Variants in KDM2B observed in about 807,000 individuals in gnomAD.
KDM2B encodes lysine-specific demethylase 2B.
In KDM2B, 26 loss-of-function variants were observed where a neutral mutation model predicts 150.0. The ratio of observed to expected loss-of-function variants is 0.17; its 90% CI spans 0.13 to 0.24. KDM2B has a LOEUF of 0.24. KDM2B is among the 10% of genes least tolerant of loss of function. The pLI, the probability that KDM2B is intolerant of heterozygous loss-of-function variation, is 1.00. For synonymous variants in KDM2B, 734 were observed against 729.5 expected, an observed-to-expected ratio of 1.01 and a Z score of -0.10; for missense variants, 1,265 against 1,816.9, an observed-to-expected ratio of 0.70 and a Z score of 5.52.
chr12:121,502,620 CA>C (rs200550839), intron 11 of KDM2B, among the ~76,000 whole-genome samples: 4 of 147,366 alleles, frequency 2.7e-5, no homozygotes, highest in African/African-American at 1.0e-4. Context: ...GACTCGGACT[CA>C]AAAAAAAAGG....
At chr12:121,541,161 G>A (rs1888575869) in intron 6 of KDM2B, among the ~76,000 whole-genome samples, 1 of 152,086 alleles carries the variant, frequency 6.6e-6, no homozygotes, top group African/African-American at 2.4e-5. Context: ...GAACCCAGGA[G>A]GCGGAGGTTG....
chr12:121,570,649 C>T (rs1374382921), intron 4 of KDM2B, among the ~76,000 whole-genome samples: 4 of 152,146 alleles, frequency 2.6e-5, no homozygotes, highest in Admixed American at 6.6e-5. Context: ...GCATGGCTAT[C>T]GTCAAAGAGA....
chr12:121,459,082 C>T (rs1878719418), intron 12 of KDM2B, among the ~76,000 whole-genome samples: 1 of 108,562 alleles, frequency 9.2e-6, no homozygotes, highest in Non-Finnish European at 1.8e-5. Context: ...GAGACTCTGC[C>T]TCAAAAAAAA....
At position 121,467,473 on chromosome 12, in the gene KDM2B, C is replaced by T. The variant is rs1880216452; in HGVS notation, c.1735-14129G>A. ...GGGGCTGGCCCCCCGGGCGGGCGGG[C>T]CAATGGCGCGGCCGCGGCGCTGGGG... On this transcript the variant is annotated intron_variant, in intron 12 of 22. Transcript: ENST00000377071. The surrounding 1 kb of genome is among the most constrained non-coding windows in gnomAD (Gnocchi z 5.1). 4.1e-6 allele frequency: 2 copies of T among 484,158 alleles called. No individual in the cohort carries two copies. The highest frequency in any genetic ancestry group is 5.3e-6 in the Non-Finnish European group (2 of 374,652). 30.0% of individuals were successfully genotyped at this position (484,158 alleles called of 1,614,324 possible).
intron 4 of KDM2B, among the ~76,000 whole-genome samples, chr12:121,553,645 G>A (rs1475731798): frequency 1.3e-5 from 2 of 152,170 alleles, no homozygotes; most frequent in African/African-American, 4.8e-5. Flanking sequence ...AGCACCTACA[G>A]GTAGGTAGCG....
chr12:121,428,778 C>T (rs1489622928), downstream of KDM2B, among the ~76,000 whole-genome samples: 1 of 152,198 alleles, frequency 6.6e-6, no homozygotes, highest in African/African-American at 2.4e-5. Flanking sequence ...GTGTTTCCTA[C>T]AGCCACCATG....
rs146762366 is a variant in KDM2B at position 121,507,312 on chromosome 12, C to T, written c.1647+2255G>A. ...CCGGGAGGCAGAGGTTGCAGTGAAC[C>T]AAGATCATGTCACTGCACTTCAGCC... On this transcript the variant is annotated intron_variant, in intron 11 of 22. Transcript: ENST00000377071. Among the ~76,000 whole-genome samples the T allele has an allele frequency of 8.0e-4, 122 of 152,086 alleles. 1 individual carries two copies. The highest frequency in any genetic ancestry group is 2.8e-3 in the African/African-American group (116 of 41,476).
chr12:121,445,475 G>A, intron 13 of KDM2B, 57 bp from the exon 14 acceptor site: 1 of 1,510,184 alleles, frequency 6.6e-7, no homozygotes. Flanking sequence ...CGGACCCCCA[G>A]GGGGGCCAGT....
chr12:121,445,530 C>A, intron 13 of KDM2B, 112 bp from the exon 14 acceptor site: 1 of 1,077,770 alleles, frequency 9.3e-7, no homozygotes, highest in Non-Finnish European at 1.3e-6. Flanking sequence ...AGGAGACCCC[C>A]GGAAAGTGGC....
At chr12:121,421,409 C>T in the KDM2B span, among the ~76,000 whole-genome samples, 1 of 131,856 alleles carries the variant, frequency 7.6e-6, no homozygotes, top group African/African-American at 2.6e-5. Context: ...CCAAAAAAAC[C>T]TGGTGTGGTG....
intron 12 of KDM2B, chr12:121,470,511 G>C (rs1555295784): frequency 6.6e-6 from 1 of 152,254 alleles, no homozygotes; most frequent in Non-Finnish European, 1.5e-5. Flanking sequence ...AATAACAGCA[G>C]CTTTAAGCAT....
chr12:121,441,083 G>A lies in KDM2B; in HGVS notation c.3435C>T (p.Ile1145=), dbSNP rs1555288094. ...NISKKQLSWL[I]NRLPGLRDLV... ...CCCAGGGCTCACCAGGCAGCCGGTT[G>A]ATGAGCCAGCTCAGCTGCTTCTTGG... The change falls in exon 20 of 23, where the codon ATC becomes ATT. Residue 1145 remains isoleucine (I), a synonymous_variant. Transcript: ENST00000377071. The A allele has an allele frequency of 1.1e-5, 17 of 1,614,056 alleles. No individual in the cohort carries two copies. The highest frequency in any genetic ancestry group is 1.0e-4 in the Admixed American group (6 of 60,010).
chr12:121,431,885 T>C (rs575657040), intron 22 of KDM2B, among the ~76,000 whole-genome samples: 2 of 148,422 alleles, frequency 1.3e-5, no homozygotes, highest in East Asian at 3.9e-4. Context: ...TTTTCTTTTT[T>C]TTTTTTTTTT....
upstream of KDM2B, among the ~76,000 whole-genome samples, chr12:121,581,914 T>C (rs1415771029): frequency 1.3e-5 from 2 of 152,330 alleles, no homozygotes; most frequent in South Asian, 4.1e-4. Flanking sequence ...TATCTGACTG[T>C]AGTCTTTCCC....
chr12:121,442,501 C>G lies in KDM2B; in HGVS notation c.2940G>C (p.Glu980Asp), dbSNP rs782781287. ...CCGGGGGCCGCTTGGGCTCCTCGCC[C>G]TCGCTCTCAGGCTCCGACTTGATGG... ...QQPIKSEPESEGEEPKRPPGI... is the reference protein window; with the variant it reads ...QQPIKSEPESDGEEPKRPPGI... Residue 980 changes from glutamate to aspartate, a missense_variant, in exon 19 of 23, where the codon GAG becomes GAC. Glu to Asp is a conservative substitution (Grantham distance 45). Coordinates refer to ENST00000377071, the MANE Select transcript of KDM2B (RefSeq NM_032590.5). The surrounding 1 kb of genome is among the most constrained non-coding windows in gnomAD (Gnocchi z 7.7). The G allele has an allele frequency of 6.3e-7, 1 of 1,599,466 alleles. No individual in the cohort carries two copies. Among genetic ancestry groups the G allele is most frequent in the East Asian group, 2.2e-5 (1 of 44,878 alleles).
chr12:121,580,527 G>T, intron 1 of KDM2B: 1 of 1,276,036 alleles, frequency 7.8e-7, no homozygotes, highest in South Asian at 1.9e-5. Flanking sequence ...CTGACTTTTG[G>T]AGGGCCGAGT....
downstream of KDM2B, among the ~76,000 whole-genome samples, chr12:121,426,296 C>T (rs1354946839): frequency 6.6e-6 from 1 of 151,992 alleles, no homozygotes; most frequent in South Asian, 2.1e-4. Flanking sequence ...TTGAAGTAAC[C>T]CTGGTTTATT....
intron 15 of KDM2B, 65 bp downstream of exon 15, chr12:121,444,385 G>C: frequency 1.2e-6 from 2 of 1,608,556 alleles, no homozygotes; most frequent in South Asian, 2.2e-5. Context: ...GGACAGGCTG[G>C]TCCCGGCCAG....
At chr12:121,517,199 G>C (rs1350578181) in intron 9 of KDM2B, among the ~76,000 whole-genome samples, 1 of 152,034 alleles carries the variant, frequency 6.6e-6, no homozygotes, top group African/African-American at 2.4e-5. Context: ...ACTCGTTGCT[G>C]TCACTCTTCC....
Sources: allele counts gnomAD v4.1 joint callset (sites outside exome capture counted in the v4.1 genomes callset), GRCh38; gene constraint gnomAD v4.1.1; non-coding constraint Gnocchi (gnomAD v3.1); transcripts MANE v1.5; gene names NCBI Gene and HGNC (gene_info 2026-07-23, HGNC 2026-07-21).